CYP19A1: variants seen among roughly 807,000 people sequenced by gnomAD.
CYP19A1 encodes the protein cytochrome P450 family 19 subfamily A member 1.
CYP19A1 carries 32 observed loss-of-function variants against 44.4 expected under a neutral mutation model. The observed-to-expected ratio is 0.72, with a 90% confidence interval of 0.54 to 0.97. The LOEUF (loss-of-function observed/expected upper bound fraction) is 0.97. Ranked by LOEUF, CYP19A1 falls within the 50% of genes least tolerant of loss-of-function variation. The pLI is 0.00. For missense variants in CYP19A1, 598 were observed against 637.8 expected (o/e 0.94, Z 0.67); for synonymous variants, 212 against 215.6 (o/e 0.98, Z 0.14).
intron 1 of CYP19A1, among the ~76,000 whole-genome samples, chr15:51,261,607 G>A (rs1010221192): frequency 1.3e-5 from 2 of 152,206 alleles, no homozygotes; most frequent in African/African-American, 4.8e-5. Context: ...ACAATGCCTT[G>A]ATATAGCTAA....
chr15:51,288,233 C>T (rs1189565740), intron 1 of CYP19A1, among the ~76,000 whole-genome samples: 1 of 152,104 alleles, frequency 6.6e-6, no homozygotes, highest in Non-Finnish European at 1.5e-5. Flanking sequence ...CTCATCAGGT[C>T]CTGACAGCTG....
chr15:51,328,534 G>A (rs1008946493), intron 1 of CYP19A1, among the ~76,000 whole-genome samples: 7 of 149,892 alleles, frequency 4.7e-5, no homozygotes, highest in African/African-American at 2.5e-5. Context: ...GGAATCCTGA[G>A]TTACAGGGCA....
chr15:51,286,399 T>G (rs1006522503), intron 1 of CYP19A1, among the ~76,000 whole-genome samples: 4 of 152,222 alleles, frequency 2.6e-5, no homozygotes, highest in Admixed American at 6.5e-5. Context: ...CTCAATTAAA[T>G]TTCTGTCTTC....
At chr15:51,294,271 C>A (rs2035922972) in intron 1 of CYP19A1, among the ~76,000 whole-genome samples, 1 of 142,708 alleles carries the variant, frequency 7.0e-6, no homozygotes, top group Admixed American at 6.7e-5. Context: ...AAGTGAGGAG[C>A]GTCTCTGCCC....
At chr15:51,258,359 C>G (rs931415239) in intron 1 of CYP19A1, among the ~76,000 whole-genome samples, 3 of 152,220 alleles carry the variant, frequency 2.0e-5, no homozygotes, top group Non-Finnish European at 4.4e-5. Flanking sequence ...TACCATTGCT[C>G]TCCTTCATTG....
intron 1 of CYP19A1, among the ~76,000 whole-genome samples, chr15:51,270,442 C>T (rs1207168774): frequency 6.6e-6 from 1 of 152,096 alleles, no homozygotes; most frequent in Non-Finnish European, 1.5e-5. Context: ...AATCAGTATC[C>T]CTATCCCTAC....
chr15:51,309,033 G>A (rs1202460381), intron 1 of CYP19A1, among the ~76,000 whole-genome samples: 1 of 152,212 alleles, frequency 6.6e-6, no homozygotes, highest in Non-Finnish European at 1.5e-5. Flanking sequence ...GGCAGCAGAG[G>A]TGGGCTGGGG....
intron 1 of CYP19A1, among the ~76,000 whole-genome samples, chr15:51,301,651 C>T (rs1386138260): frequency 6.9e-6 from 1 of 144,868 alleles, no homozygotes; most frequent in Non-Finnish European, 1.5e-5. Context: ...TGCTCGTCAT[C>T]CTTTGATTGA....
intron 1 of CYP19A1, among the ~76,000 whole-genome samples, chr15:51,247,450 CTTT>C (rs1210067617): frequency 2.7e-5 from 4 of 147,440 alleles, no homozygotes; most frequent in African/African-American, 5.2e-5. Flanking sequence ...CCTGTCCTTA[CTTT>C]TTTATTTTTA....
chr15:51,293,541 C>CTCTCCCTCTCCCTCTCCCCACGG (rs1566915013), intron 1 of CYP19A1: 1 of 152,060 alleles, frequency 6.6e-6, no homozygotes, highest in Non-Finnish European at 1.5e-5. Context: ...TACGCTCTCG[C>CTCTCCCTCTCCCTCTCCCCACGG]TCTCCCTCTC....
intron 1 of CYP19A1, among the ~76,000 whole-genome samples, chr15:51,247,213 C>T (rs2034100264): frequency 6.6e-6 from 1 of 152,144 alleles, no homozygotes; most frequent in South Asian, 2.1e-4. Flanking sequence ...ATCTCTCCAG[C>T]CTAAAGCGTT....
intron 4 of CYP19A1, among the ~76,000 whole-genome samples, chr15:51,227,400 C>T (rs1157054381): frequency 6.6e-6 from 1 of 152,106 alleles, no homozygotes; most frequent in Admixed American, 6.5e-5. Flanking sequence ...GGAATGATAG[C>T]TCATGCCTGT....
rs551504450 is a variant in CYP19A1, at chr15:51,294,202, G to A, written c.-39+44293C>T. 3.7e-5 allele frequency among the ~76,000 whole-genome samples: 5 copies of A among 134,914 alleles called. No homozygotes were observed. In the South Asian group the frequency reaches 1.0e-3, roughly 28 times the overall value. The allele number at this position is 134,914 out of a possible 152,430, so 88.5% of individuals were successfully genotyped here. On this transcript the variant is annotated intron_variant, in intron 1 of 9. Transcript: ENST00000396402. ...TGGAAAGTGAGGAGCGTCTCTGCCC[G>A]GCTGCCATCCCATCTAGGAAGTGAC...
At chr15:51,329,393 C>A (rs978510856) in intron 1 of CYP19A1, among the ~76,000 whole-genome samples, 3 of 152,184 alleles carry the variant, frequency 2.0e-5, no homozygotes, top group Non-Finnish European at 4.4e-5. Context: ...TGACTGCCCC[C>A]AGGATTTCCA....
chr15:51,228,998 A>T (rs2032811241), intron 3 of CYP19A1, among the ~76,000 whole-genome samples: 1 of 152,154 alleles, frequency 6.6e-6, no homozygotes, highest in African/African-American at 2.4e-5. Flanking sequence ...CTTGGCTCCT[A>T]AAAGGATACT....
At chr15:51,274,843 T>C (rs147773316) in intron 1 of CYP19A1, among the ~76,000 whole-genome samples, 1 of 152,234 alleles carries the variant, frequency 6.6e-6, no homozygotes, top group East Asian at 1.9e-4. Context: ...GTCAGGGGTA[T>C]TTGAAGAAGA....
In CYP19A1 at chr15:51,295,466, TC is replaced by T. The variant is rs140875043; in HGVS notation, c.-39+43028del. Among the ~76,000 whole-genome samples the T allele has an allele frequency of 4.3e-3, 656 of 152,192 alleles. 2 individuals are homozygous for T. Among genetic ancestry groups the T allele is most frequent in the African/African-American group, 0.015 (630 of 41,490 alleles). On this transcript the variant is annotated intron_variant, in intron 1 of 9. Transcript: ENST00000396402. ...CTCACTGTAACTGGAACATCAATTT[TC>T]CCCATGAATCTGTGAGCCCTGCAAA... is the stretch of plus-strand genomic sequence containing the variant.
At position 51,210,502 on chromosome 15, in the gene CYP19A1, T is replaced by C. The variant is rs181107557; in HGVS notation, c.*306A>G. The C allele has an allele frequency of 5.4e-6, 3 of 557,040 alleles. No individual in the cohort carries two copies. The highest frequency in any genetic ancestry group is 3.7e-5 in the African/African-American group (2 of 54,638). 34.5% of individuals were successfully genotyped at this position (557,040 alleles called of 1,614,324 possible). On this transcript the variant is annotated 3_prime_UTR_variant, in exon 10 of 10. Transcript: ENST00000396402. ...GGGAACCAGACATACATTTTGTTAA[T>C]GAAGGCCTATCCTTCTCAAAGCACA...
intron 1 of CYP19A1, among the ~76,000 whole-genome samples, chr15:51,332,780 T>C (rs1053531908): frequency 6.6e-6 from 1 of 152,220 alleles, no homozygotes; most frequent in African/African-American, 2.4e-5. Context: ...CTTCACACGA[T>C]TGGCCTCAAT....
Sources: allele counts gnomAD v4.1 joint callset (sites outside exome capture counted in the v4.1 genomes callset), GRCh38; gene constraint gnomAD v4.1.1; transcripts MANE v1.5; gene names NCBI Gene and HGNC (gene_info 2026-07-23, HGNC 2026-07-21).